Variants in FRG2B observed in about 807,000 individuals in gnomAD.
The protein encoded by FRG2B is FSHD region gene 2 family member B.
For missense variants in FRG2B, 95 were observed against 310.7 expected (o/e 0.31, Z 5.22); for synonymous variants, 33 against 117.1 (o/e 0.28, Z 4.64).
In FRG2B at chr10:133,624,510, G is replaced by A. The variant is rs1181809485; in HGVS notation, c.*589C>T. 1.1e-5 allele frequency: 1 copy of A among 91,502 alleles called. No individual in the cohort carries two copies. The highest frequency in any genetic ancestry group is 1.9e-5 in the Non-Finnish European group (1 of 51,602). The allele number at this position is 91,502 out of a possible 1,614,324, so 5.7% of individuals were successfully genotyped here. On this transcript the variant is annotated 3_prime_UTR_variant, in exon 4 of 4. Transcript: ENST00000425520. ...AGGCGGAGGCTGGCAGATCACCTGA[G>A]TTCGAGGCCAACCTGGCCAAAGTGA...
At position 133,625,598 on chromosome 10, in the gene FRG2B, C is replaced by T. The variant is rs371655589; in HGVS notation, c.338G>A (p.Cys113Tyr). ...TGACAAGCTGCACTCCTTTTCTGGA[C>T]AGTTCCCTGCAAAGAAAGCATGTGA... is the stretch of plus-strand genomic sequence containing the variant. ...KDSCQDTAGN[C>Y]PEKECSLSLN... The change falls in exon 4 of 4, where the codon TGT (cysteine) becomes TAT (tyrosine). Residue 113 changes from cysteine (C) to tyrosine (Y), a missense_variant. By Grantham distance (194) the Cys-to-Tyr change is radical. Coordinates refer to ENST00000425520, the MANE Select transcript of FRG2B (RefSeq NM_001080998.2). 9.5e-6 allele frequency: 15 copies of T among 1,570,698 alleles called. 1 individual carries two copies. The highest frequency in any genetic ancestry group is 1.3e-5 in the Non-Finnish European group (15 of 1,160,546).
Position 133,625,046 on chromosome 10 carries a change from G to A in FRG2B, c.*53C>T. On this transcript the variant is annotated 3_prime_UTR_variant, in exon 4 of 4. Transcript: ENST00000425520. Reference sequence around the variant, plus strand: ...ATCTGGAAGAATCTGAGAAGAAGCAGATCCTTGTTCTCATTCCCAGAGCTG... The same window carrying A: ...ATCTGGAAGAATCTGAGAAGAAGCAAATCCTTGTTCTCATTCCCAGAGCTG... 2.1e-6 allele frequency: 1 copy of A among 477,216 alleles called. No individual in the cohort carries two copies. The highest frequency in any genetic ancestry group is 3.4e-5 in the East Asian group (1 of 29,288). The allele number at this position is 477,216 out of a possible 1,614,324, so 29.6% of individuals were successfully genotyped here. A position where few individuals can be genotyped will look rare whatever the true frequency, so the allele number is the denominator to read the frequency against.
At position 133,625,448 on chromosome 10, in the gene FRG2B, G is replaced by T; in HGVS notation, c.488C>A (p.Ala163Asp). 1 of 1,611,176 alleles carries T rather than the reference G, an allele frequency of 6.2e-7. No individual in the cohort carries two copies. The highest frequency in any genetic ancestry group is 8.5e-7 in the Non-Finnish European group (1 of 1,179,258). ...TGRSKRHRSR[A>D]LGVQTPSIRK... Reference sequence around the variant, plus strand: ...AATTGACGGTGTTTGGACTCCTAGGGCCCGAGACCTATGCCGCTTGCTGCG... The same window carrying T: ...AATTGACGGTGTTTGGACTCCTAGGTCCCGAGACCTATGCCGCTTGCTGCG... The change falls in exon 4 of 4, where the codon GCC becomes GAC. Residue 163 changes from alanine to aspartate, a missense_variant. By Grantham distance (126) the Ala-to-Asp change is moderately radical (BLOSUM62 -2). Transcript: ENST00000425520.
At position 133,625,408 on chromosome 10, in the gene FRG2B, C is replaced by A; in HGVS notation, c.528G>T (p.Val176=). 8.1e-6 allele frequency: 13 copies of A among 1,609,818 alleles called. No homozygotes were observed. The highest frequency in any genetic ancestry group is 1.1e-5 in the Non-Finnish European group (13 of 1,178,818). The change falls in exon 4 of 4, where the codon GTG becomes GTT. Residue 176 remains valine (V), a synonymous_variant. Transcript: ENST00000425520. Reference sequence around the variant, plus strand: ...CCTCTGACATAGCTCGCACAGAGGTCACCAAGCTTTTTCGAATTGACGGTG... The same window carrying A: ...CCTCTGACATAGCTCGCACAGAGGTAACCAAGCTTTTTCGAATTGACGGTG... ...VQTPSIRKSL[V]TSVRAMSEAV...
Position 133,625,587 on chromosome 10 carries a change from C to G in FRG2B, c.349G>C (p.Glu117Gln). ...TTTTTATTCAATGACAAGCTGCACT[C>G]CTTTTCTGGACAGTTCCCTGCAAAG... The part of the protein sequence containing the change: ...QDTAGNCPEK[E>Q]CSLSLNKKSR... Residue 117 changes from glutamate to glutamine, a missense_variant, in exon 4 of 4, where the codon GAG (glutamate) becomes CAG (glutamine). Physicochemically the swap from Glu to Gln is conservative, Grantham distance 29. Transcript: ENST00000425520. 1 of 1,577,860 alleles carries G rather than the reference C, an allele frequency of 6.3e-7. No individual in the cohort carries two copies. The highest frequency in any genetic ancestry group is 8.6e-7 in the Non-Finnish European group (1 of 1,164,100).
In FRG2B at chr10:133,624,741, G is replaced by C. The variant is rs565321117; in HGVS notation, c.*358C>G. 3 of 256,170 alleles carry C rather than the reference G, an allele frequency of 1.2e-5. No individual in the cohort carries two copies. Among genetic ancestry groups the C allele is most frequent in the African/African-American group, 7.0e-5 (3 of 42,704 alleles). The allele number at this position is 256,170 out of a possible 1,614,324, so 15.9% of individuals were successfully genotyped here. A position where few individuals can be genotyped will look rare whatever the true frequency, so the allele number is the denominator to read the frequency against. ...TGTCTCAAAAAAAAAAACAAAAAAG[G>C]AGCACATAATTTTATATTTACTTTT... On this transcript the variant is annotated 3_prime_UTR_variant, in exon 4 of 4. Coordinates refer to ENST00000425520, the MANE Select transcript of FRG2B (RefSeq NM_001080998.2).
intron 3 of FRG2B, 70 bp from the exon 4 acceptor site, chr10:133,625,674 A>G (rs376459925): frequency 6.7e-7 from 1 of 1,495,138 alleles, no homozygotes; most frequent in Non-Finnish European, 9.0e-7. Context: ...AACCCCCTGT[A>G]CACCCAGGTG....
In FRG2B at chr10:133,624,707, T is replaced by G; in HGVS notation, c.*392A>C. On this transcript the variant is annotated 3_prime_UTR_variant, in exon 4 of 4. Coordinates refer to ENST00000425520, the MANE Select transcript of FRG2B (RefSeq NM_001080998.2). ...CCACTGCACTCCAGCCTGGGTAACA[T>G]AGCAAGACTGTCTCAAAAAAAAAAA... is the stretch of plus-strand genomic sequence containing the variant. 1 of 264,022 alleles carries G rather than the reference T, an allele frequency of 3.8e-6. No individual in the cohort carries two copies. The highest frequency in any genetic ancestry group is 7.2e-6 in the Non-Finnish European group (1 of 138,610). 16.4% of individuals were successfully genotyped at this position (264,022 alleles called of 1,614,324 possible). A position where few individuals can be genotyped will look rare whatever the true frequency, so the allele number is the denominator to read the frequency against.
rs1226543576 is a variant in FRG2B at position 133,624,557 on chromosome 10, A to G, written c.*542T>C. On this transcript the variant is annotated 3_prime_UTR_variant, in exon 4 of 4. Transcript: ENST00000425520. ...GTGACAAAACTCTGTCTCTACTAAC[A>G]ATACAGGAAAAAAAAAATTAGCCAG... is the stretch of plus-strand genomic sequence containing the variant. 1.1e-5 allele frequency: 1 copy of G among 88,736 alleles called. No homozygotes were observed. The highest frequency in any genetic ancestry group is 2.0e-5 in the Non-Finnish European group (1 of 50,666). 5.5% of individuals were successfully genotyped at this position (88,736 alleles called of 1,614,324 possible). A position where few individuals can be genotyped will look rare whatever the true frequency, so the allele number is the denominator to read the frequency against.
In FRG2B at chr10:133,624,468, A is replaced by G. The variant is rs1360420709; in HGVS notation, c.*631T>C. 2 of 91,354 alleles carry G rather than the reference A, an allele frequency of 2.2e-5. No homozygotes were observed. The highest frequency in any genetic ancestry group is 1.3e-4 in the African/African-American group (2 of 15,984). The allele number at this position is 91,354 out of a possible 1,614,324, so 5.7% of individuals were successfully genotyped here. A position where few individuals can be genotyped will look rare whatever the true frequency, so the allele number is the denominator to read the frequency against. On this transcript the variant is annotated 3_prime_UTR_variant, in exon 4 of 4. Transcript: ENST00000425520. ...TCTTGGTAAGGCGGCTCATGCCTGT[A>G]ATCCCAGCACGTTGGGAGGCGGAGG...
chr10:133,624,697 C>G lies in FRG2B; in HGVS notation c.*402G>C. 4.3e-6 allele frequency: 1 copy of G among 232,988 alleles called. No homozygotes were observed. Among genetic ancestry groups the G allele is most frequent in the Middle Eastern group, 1.8e-3 (1 of 558 alleles). The allele number at this position is 232,988 out of a possible 1,614,324, so 14.4% of individuals were successfully genotyped here. Reference sequence around the variant, plus strand: ...TAAGATTGTGCCACTGCACTCCAGCCTGGGTAACATAGCAAGACTGTCTCA... The same window carrying G: ...TAAGATTGTGCCACTGCACTCCAGCGTGGGTAACATAGCAAGACTGTCTCA... On this transcript the variant is annotated 3_prime_UTR_variant, in exon 4 of 4. Transcript: ENST00000425520.
chr10:133,625,523 T>G lies in FRG2B; in HGVS notation c.413A>C (p.Gln138Pro), dbSNP rs751122589. The G allele has an allele frequency of 2.5e-6, 4 of 1,603,214 alleles. No individual in the cohort carries two copies. The highest frequency in any genetic ancestry group is 2.6e-6 in the Non-Finnish European group (3 of 1,174,710). Reference sequence around the variant, plus strand: ...CCTATGGTGGGCATCACAGGTCTCCTGGATTTCACTGTTGTGCACAGGAGT... The same window carrying G: ...CCTATGGTGGGCATCACAGGTCTCCGGGATTTCACTGTTGTGCACAGGAGT... Reference protein sequence around the residue: ...SSTPVHNSEIQETCDAHHRGR... With the variant: ...SSTPVHNSEIPETCDAHHRGR... The change falls in exon 4 of 4, where the codon CAG becomes CCG. Residue 138 changes from glutamine (Q) to proline (P), a missense_variant. Gln to Pro is a moderately conservative substitution (Grantham distance 76). Transcript: ENST00000425520.
Position 133,625,349 on chromosome 10 carries a change from T to C in FRG2B, c.587A>G (p.Gln196Arg), listed in dbSNP as rs748726518. 4.4e-6 allele frequency: 7 copies of C among 1,602,134 alleles called. No homozygotes were observed. The South Asian group carries it at 7.9e-5, about 18-fold the overall frequency. Residue 196 changes from glutamine to arginine, a missense_variant, in exon 4 of 4, where the codon CAG becomes CGG. Coordinates refer to ENST00000425520, the MANE Select transcript of FRG2B (RefSeq NM_001080998.2). ...ACAGGTAAGTGGAGAATGGATCTGC[T>C]GTGCCCACACCTGGGCTAGGTCTTG... is the stretch of plus-strand genomic sequence containing the variant. ...VYQDLAQVWA[Q>R]QIHSPLTCEQ...
chr10:133,625,449 C>A lies in FRG2B; in HGVS notation c.487G>T (p.Ala163Ser). ...ATTGACGGTGTTTGGACTCCTAGGG[C>A]CCGAGACCTATGCCGCTTGCTGCGC... is the stretch of plus-strand genomic sequence containing the variant. ...TGRSKRHRSR[A>S]LGVQTPSIRK... Residue 163 changes from alanine to serine, a missense_variant, in exon 4 of 4, where the codon GCC becomes TCC. Coordinates refer to ENST00000425520, the MANE Select transcript of FRG2B (RefSeq NM_001080998.2). The A allele has an allele frequency of 6.2e-7, 1 of 1,611,248 alleles. No homozygotes were observed. The highest frequency in any genetic ancestry group is 8.5e-7 in the Non-Finnish European group (1 of 1,179,266).
At position 133,623,943 on chromosome 10, in the gene FRG2B, T is replaced by G. The variant is rs1240956619; in HGVS notation, c.*1156A>C. Reference sequence around the variant, plus strand: ...AATACAAATTCCATATGAAAGAAATTTAAAATTCCAAACAACATTGTTTAT... The same window carrying G: ...AATACAAATTCCATATGAAAGAAATGTAAAATTCCAAACAACATTGTTTAT... On this transcript the variant is annotated 3_prime_UTR_variant, in exon 4 of 4. Coordinates refer to ENST00000425520, the MANE Select transcript of FRG2B (RefSeq NM_001080998.2). The G allele has an allele frequency of 8.7e-5, 13 of 149,244 alleles. No homozygotes were observed. Among genetic ancestry groups the G allele is most frequent in the South Asian group, 2.2e-4 (1 of 4,618 alleles). 9.2% of individuals were successfully genotyped at this position (149,244 alleles called of 1,614,324 possible). A position where few individuals can be genotyped will look rare whatever the true frequency, so the allele number is the denominator to read the frequency against.
rs548535833 is a variant in FRG2B, at chr10:133,624,717, G to A, written c.*382C>T. ...CCAGCCTGGGTAACATAGCAAGACT[G>A]TCTCAAAAAAAAAAACAAAAAAGGA... On this transcript the variant is annotated 3_prime_UTR_variant, in exon 4 of 4. Transcript: ENST00000425520. 79 of 270,198 alleles carry A rather than the reference G, an allele frequency of 2.9e-4. 1 individual carries two copies. The South Asian group carries it at 3.3e-3, about 11-fold the overall frequency. The allele number at this position is 270,198 out of a possible 1,614,324, so 16.7% of individuals were successfully genotyped here. A position where few individuals can be genotyped will look rare whatever the true frequency, so the allele number is the denominator to read the frequency against.
Position 133,625,543 on chromosome 10 carries a change from A to C in FRG2B, c.393T>G (p.Pro131=). 1 of 1,584,590 alleles carries C rather than the reference A, an allele frequency of 6.3e-7. No homozygotes were observed. Among genetic ancestry groups the C allele is most frequent in the Non-Finnish European group, 8.6e-7 (1 of 1,166,674 alleles). Residue 131 remains proline, a synonymous_variant, in exon 4 of 4, where the codon CCT becomes CCG. Transcript: ENST00000425520. ...SLNKKSRSST[P]VHNSEIQETC... ...TCTCCTGGATTTCACTGTTGTGCAC[A>C]GGAGTGGAGGATCTTGATTTTTTAT... is the stretch of plus-strand genomic sequence containing the variant.
chr10:133,625,275 C>T lies in FRG2B; in HGVS notation c.661G>A (p.Val221Met), dbSNP rs1292345269. 4 of 1,580,858 alleles carry T rather than the reference C, an allele frequency of 2.5e-6. No individual in the cohort carries two copies. The highest frequency in any genetic ancestry group is 1.7e-5 in the Admixed American group (1 of 58,166). Residue 221 changes from valine (V) to methionine (M), a missense_variant, in exon 4 of 4, where the codon GTG (valine) becomes ATG (methionine). Val to Met is a conservative substitution (Grantham distance 21, BLOSUM62 1). Transcript: ENST00000425520. ...GTGGCCATGGAATACAAGGTCTGCACCTGGGCACACAGAGGCCCCCGGAGC... is the reference window on the plus strand; with the variant it reads ...GTGGCCATGGAATACAAGGTCTGCATCTGGGCACACAGAGGCCCCCGGAGC... The part of the protein sequence containing the change: ...TRLRGPLCAQ[V>M]QTLYSMATQA...
In FRG2B at chr10:133,625,573, T is replaced by G. The variant is rs201483744; in HGVS notation, c.363A>C (p.Ser121=). The part of the protein sequence containing the change: ...GNCPEKECSL[S]LNKKSRSSTP... ...TGGAGGATCTTGATTTTTTATTCAA[T>G]GACAAGCTGCACTCCTTTTCTGGAC... Residue 121 remains serine, a synonymous_variant, in exon 4 of 4, where the codon TCA becomes TCC. Coordinates refer to ENST00000425520, the MANE Select transcript of FRG2B (RefSeq NM_001080998.2). 6.6e-7 allele frequency: 1 copy of G among 1,513,490 alleles called. No homozygotes were observed. The highest frequency in any genetic ancestry group is 8.8e-7 in the Non-Finnish European group (1 of 1,134,148). The allele number at this position is 1,513,490 out of a possible 1,614,324, so 93.8% of individuals were successfully genotyped here.
Sources: allele counts gnomAD v4.1 joint callset, GRCh38; gene constraint gnomAD v4.1.1; transcripts MANE v1.5; gene names NCBI Gene and HGNC (gene_info 2026-07-23, HGNC 2026-07-21).